Variants in ADAMTS17 observed in about 807,000 individuals in gnomAD.
The protein encoded by ADAMTS17 is ADAM metallopeptidase with thrombospondin type 1 motif 17.
In ADAMTS17, 113 loss-of-function variants were observed where a neutral mutation model predicts 141.5. The ratio of observed to expected loss-of-function variants is 0.80; its 90% CI spans 0.69 to 0.93. ADAMTS17 has a LOEUF of 0.93. ADAMTS17 is among the 40% of genes least tolerant of loss of function. The pLI is 0.00. For synonymous variants in ADAMTS17, 768 were observed against 630.6 expected (o/e 1.22, Z -3.27); for missense variants, 1,659 against 1,517.9 (o/e 1.09, Z -1.54).
intron 3 of ADAMTS17, among the ~76,000 whole-genome samples, chr15:100,311,284 C>G (rs2045395890): frequency 6.6e-6 from 1 of 152,156 alleles, no homozygotes; most frequent in African/African-American, 2.4e-5. Flanking sequence ...AGGGACCTCT[C>G]TCTCCACCCC....
chr15:100,216,605 C>T (rs1436266006), intron 7 of ADAMTS17, among the ~76,000 whole-genome samples: 1 of 152,184 alleles, frequency 6.6e-6, no homozygotes, highest in South Asian at 2.1e-4. Context: ...CTGGATTTTG[C>T]GCTGACTGCC....
chr15:100,204,596 T>A (rs2041460738), intron 7 of ADAMTS17, among the ~76,000 whole-genome samples: 2 of 152,208 alleles, frequency 1.3e-5, no homozygotes, highest in Non-Finnish European at 2.9e-5. Context: ...AATAAAAAAG[T>A]TGGACCCCTA....
chr15:100,298,279 T>C (rs570273764), intron 3 of ADAMTS17, among the ~76,000 whole-genome samples: 47 of 152,286 alleles, frequency 3.1e-4, no homozygotes, highest in African/African-American at 1.1e-3. Context: ...TCCCTCAGTT[T>C]CTACTGCTGT....
chr15:100,136,976 T>A (rs1364127171), intron 10 of ADAMTS17, among the ~76,000 whole-genome samples: 1 of 152,194 alleles, frequency 6.6e-6, no homozygotes, highest in Non-Finnish European at 1.5e-5. Flanking sequence ...GTGATGCTGA[T>A]ACAGACACAA....
chr15:100,040,588 C>T (rs962485224), intron 18 of ADAMTS17, among the ~76,000 whole-genome samples: 1 of 152,008 alleles, frequency 6.6e-6, no homozygotes, highest in African/African-American at 2.4e-5. Context: ...CAAAGCATTT[C>T]CCAACAGGAG....
At chr15:100,273,017 C>T (rs1359192353) in intron 4 of ADAMTS17, among the ~76,000 whole-genome samples, 1 of 151,994 alleles carries the variant, frequency 6.6e-6, no homozygotes, top group Non-Finnish European at 1.5e-5. Flanking sequence ...TATGTTGAGC[C>T]ATCCTTGCAT....
chr15:100,071,140 A>G (rs915472682), intron 15 of ADAMTS17, among the ~76,000 whole-genome samples: 1 of 150,608 alleles, frequency 6.6e-6, no homozygotes, highest in Non-Finnish European at 1.5e-5. Flanking sequence ...TAGAAAATCT[A>G]GAAGAAATGG....
At chr15:100,265,528 G>T (rs144244448) in intron 4 of ADAMTS17, among the ~76,000 whole-genome samples, 3 of 152,184 alleles carry the variant, frequency 2.0e-5, no homozygotes, top group African/African-American at 7.2e-5. Flanking sequence ...TGGACCTGCC[G>T]CCTGCAGCAC....
intron 10 of ADAMTS17, among the ~76,000 whole-genome samples, chr15:100,149,152 G>C (rs543515295): frequency 6.6e-6 from 1 of 152,336 alleles, no homozygotes; most frequent in South Asian, 2.1e-4. Flanking sequence ...AAGCAGGGAA[G>C]GCGCAGACTG....
At chr15:100,146,634 A>G (rs1361810776) in intron 10 of ADAMTS17, among the ~76,000 whole-genome samples, 1 of 104,400 alleles carries the variant, frequency 9.6e-6, no homozygotes, top group Non-Finnish European at 2.2e-5. Flanking sequence ...TAAGAGAGAT[A>G]ACCTTAAACT....
chr15:100,077,282 A>C (rs1432247614), intron 15 of ADAMTS17, among the ~76,000 whole-genome samples: 2 of 72,556 alleles, frequency 2.8e-5, no homozygotes, highest in Non-Finnish European at 5.2e-5. Context: ...TATCTCTACC[A>C]CAAAAAAAAA....
intron 14 of ADAMTS17, among the ~76,000 whole-genome samples, chr15:100,107,283 G>C (rs2036468804): frequency 6.6e-6 from 1 of 152,168 alleles, no homozygotes; most frequent in Non-Finnish European, 1.5e-5. Context: ...AAGCAGATCT[G>C]CTGTCCGCAT....
At chr15:100,227,577 T>C (rs1439459764) in intron 7 of ADAMTS17, among the ~76,000 whole-genome samples, 2 of 152,182 alleles carry the variant, frequency 1.3e-5, no homozygotes, top group African/African-American at 2.4e-5. Flanking sequence ...TGATGGCACA[T>C]CGCTGGATGG....
chr15:100,083,837 T>C (rs927329536), intron 15 of ADAMTS17, among the ~76,000 whole-genome samples: 5 of 151,446 alleles, frequency 3.3e-5, no homozygotes, highest in Non-Finnish European at 7.4e-5. Context: ...CCCCCTCCAG[T>C]GGCTCTAGAG....
At chr15:100,149,877 G>C (rs575723166) in intron 10 of ADAMTS17, among the ~76,000 whole-genome samples, 104 of 152,278 alleles carry the variant, frequency 6.8e-4, no homozygotes, top group Non-Finnish European at 1.1e-3. Context: ...ATTTTCTCCA[G>C]TGTGCACAGT....
In ADAMTS17 at chr15:100,091,885, G is replaced by C. The variant is rs547155727; in HGVS notation, c.2137+4471C>G. On this transcript the variant is annotated intron_variant, in intron 15 of 21. Coordinates refer to ENST00000268070, the MANE Select transcript of ADAMTS17 (RefSeq NM_139057.4). ...ATTCACAAGAATATTACTATCTTAC[G>C]TTTCTCCCTAATGGTGGTTCCTGGG... Among the ~76,000 whole-genome samples the C allele has an allele frequency of 2.0e-5, 3 of 151,948 alleles. No homozygotes were observed. In the South Asian group the frequency reaches 6.3e-4, roughly 32 times the overall value.
In ADAMTS17 at chr15:100,196,868, C is replaced by T. The variant is rs112782338; in HGVS notation, c.1181+2450G>A. On this transcript the variant is annotated intron_variant, in intron 8 of 21. Transcript: ENST00000268070. The stretch of plus-strand genomic sequence containing the variant: ...TCAGGGATCTGCTTCCCAACACTTG[C>T]GACTAATCAAAGACTTCCCTGGGAA... 5.7e-3 allele frequency among the ~76,000 whole-genome samples: 875 copies of T among 152,286 alleles called. 17 individuals are homozygous for T. Among genetic ancestry groups the T allele is most frequent in the African/African-American group, 0.02 (851 of 41,554 alleles).
intron 18 of ADAMTS17, among the ~76,000 whole-genome samples, chr15:100,024,196 A>C (rs1295227753): frequency 6.6e-6 from 1 of 152,146 alleles, no homozygotes; most frequent in Non-Finnish European, 1.5e-5. Context: ...GGGCTCAAGC[A>C]ATTCTCCTGC....
At chr15:100,239,258 T>C (rs1050074029) in intron 7 of ADAMTS17, among the ~76,000 whole-genome samples, 2 of 152,200 alleles carry the variant, frequency 1.3e-5, no homozygotes, top group African/African-American at 4.8e-5. Flanking sequence ...TCCCGCACAC[T>C]GTTGTGCAGA....
Sources: allele counts gnomAD v4.1 joint callset (sites outside exome capture counted in the v4.1 genomes callset), GRCh38; gene constraint gnomAD v4.1.1; transcripts MANE v1.5; gene names NCBI Gene and HGNC (gene_info 2026-07-23, HGNC 2026-07-21).